RIMS1: variants seen among roughly 807,000 people sequenced by gnomAD.
RIMS1 encodes regulating synaptic membrane exocytosis protein 1.
A neutral mutation model predicts 214.1 loss-of-function variants in RIMS1; 83 were observed. That is an observed-to-expected ratio of 0.39 (90% CI 0.32 to 0.47). RIMS1 has a LOEUF of 0.47. Ranked by LOEUF, RIMS1 falls within the 20% of genes least tolerant of loss-of-function variation. RIMS1 has a pLI of 0.99. For missense variants in RIMS1, 2,050 were observed against 2,161.8 expected, an observed-to-expected ratio of 0.95 and a Z score of 1.03; for synonymous variants, 793 against 786.8, an observed-to-expected ratio of 1.01 and a Z score of -0.13.
At chr6:72,293,359 T>C (rs1467192340) in intron 26 of RIMS1, among the ~76,000 whole-genome samples, 1 of 151,950 alleles carries the variant, frequency 6.6e-6, no homozygotes, top group Admixed American at 6.6e-5. Flanking sequence ...TTAACATTTT[T>C]CCTCTCCTCT....
At chr6:72,070,086 A>G (rs1830240468) in intron 2 of RIMS1, among the ~76,000 whole-genome samples, 1 of 152,150 alleles carries the variant, frequency 6.6e-6, no homozygotes, top group Non-Finnish European at 1.5e-5. Flanking sequence ...TCTTATATTA[A>G]TGTATTTAAT....
chr6:72,196,261 AT>A (rs1554269160), intron 6 of RIMS1, among the ~76,000 whole-genome samples: 1 of 152,122 alleles, frequency 6.6e-6, no homozygotes, highest in Non-Finnish European at 1.5e-5. Context: ...TATTTAATAA[AT>A]ATCTAAAAAG....
intron 32 of RIMS1, 59 bp from the exon 33 acceptor site, chr6:72,398,895 AT>A (rs1403994868): frequency 9.2e-7 from 1 of 1,082,302 alleles, no homozygotes; most frequent in Admixed American, 2.2e-5. Flanking sequence ...GAATTCTCTA[AT>A]TAAAAAAATA....
At chr6:72,210,826 A>AT (rs1336610693) in intron 6 of RIMS1, among the ~76,000 whole-genome samples, 1 of 152,148 alleles carries the variant, frequency 6.6e-6, no homozygotes, top group African/African-American at 2.4e-5. Flanking sequence ...TGTTCTATGT[A>AT]TTTTTTCTTT....
chr6:72,366,122 T>C (rs187592046), intron 29 of RIMS1, among the ~76,000 whole-genome samples: 266 of 152,350 alleles, frequency 1.7e-3, no homozygotes, highest in African/African-American at 6.1e-3. Flanking sequence ...ACCTTTTTTT[T>C]CTAAGTTTTT....
chr6:71,989,737 C>T (rs866568103), intron 2 of RIMS1, among the ~76,000 whole-genome samples: 37 of 152,188 alleles, frequency 2.4e-4, no homozygotes, highest in Admixed American at 9.8e-4. Flanking sequence ...TGCTAGCAAC[C>T]AGGAATAGAA....
At chr6:72,096,686 T>G (rs1366540750) in intron 2 of RIMS1, among the ~76,000 whole-genome samples, 1 of 152,194 alleles carries the variant, frequency 6.6e-6, no homozygotes. Context: ...ATACTCAAAT[T>G]TCATTGCTGG....
At chr6:71,973,194 C>T (rs1429388923) in intron 2 of RIMS1, among the ~76,000 whole-genome samples, 2 of 152,234 alleles carry the variant, frequency 1.3e-5, no homozygotes, top group African/African-American at 4.8e-5. Context: ...AGGTGTGAGC[C>T]ACTGCGCCCG....
intron 2 of RIMS1, among the ~76,000 whole-genome samples, chr6:71,984,795 A>G (rs559915453): frequency 8.6e-5 from 13 of 151,896 alleles, no homozygotes; most frequent in African/African-American, 2.9e-4. Context: ...CTATCTATCT[A>G]TCTATCTATC....
intron 6 of RIMS1, among the ~76,000 whole-genome samples, chr6:72,231,408 A>T (rs1589797703): frequency 1.3e-5 from 2 of 151,864 alleles, no homozygotes; most frequent in East Asian, 3.9e-4. Flanking sequence ...ACTAAAATAT[A>T]TACAAATATT....
chr6:71,935,566 A>G (rs112505926), intron 1 of RIMS1, among the ~76,000 whole-genome samples: 2,901 of 152,304 alleles, frequency 0.019, 86 homozygotes, highest in African/African-American at 0.065. Flanking sequence ...AATTAAAGGA[A>G]CAAAATAGCT....
At chr6:71,925,821 T>G (rs981858955) in intron 1 of RIMS1, among the ~76,000 whole-genome samples, 1 of 152,258 alleles carries the variant, frequency 6.6e-6, no homozygotes, top group Non-Finnish European at 1.5e-5. Context: ...AGTGATTATG[T>G]CTTTGGACAA....
rs756789206 is a variant in RIMS1 at position 72,196,580 on chromosome 6, C to CTTTTTTTTTATTTTTTT, written c.1678+13440_1678+13441insATTTTTTTTTTTTTTTT. Reference sequence around the variant, plus strand: ...AGTACTGTGCTGGCAGCCAGCTGCACTTTTTTTTTTTTTTTTTTTTTTTAC... The same window carrying CTTTTTTTTTATTTTTTT: ...AGTACTGTGCTGGCAGCCAGCTGCACTTTTTTTTTATTTTTTTTTTTTTTTTTTTTTTTTTTTTTTAC... On this transcript the variant is annotated intron_variant, in intron 6 of 33. Coordinates refer to ENST00000521978, the MANE Select transcript of RIMS1 (RefSeq NM_014989.7). Among the ~76,000 whole-genome samples the CTTTTTTTTTATTTTTTT allele has an allele frequency of 3.5e-5, 2 of 57,214 alleles. 1 individual carries two copies. The highest frequency in any genetic ancestry group is 1.6e-4 in the African/African-American group (2 of 12,658). The allele number at this position is 57,214 out of a possible 152,430, so 37.5% of individuals were successfully genotyped here.
chr6:72,399,009 A>G lies in RIMS1; in HGVS notation c.4775A>G (p.Lys1592Arg). 6.2e-7 allele frequency: 1 copy of G among 1,610,796 alleles called. No individual in the cohort carries two copies. The highest frequency in any genetic ancestry group is 1.7e-5 in the Admixed American group (1 of 59,982). Reference sequence around the variant, plus strand: ...AATGGGGCCTGTATAGCCAAGAAGAAGACAAGAATTGCACGAAAAACCCTT... The same window carrying G: ...AATGGGGCCTGTATAGCCAAGAAGAGGACAAGAATTGCACGAAAAACCCTT... ...LENGACIAKKKTRIARKTLDP... is the reference protein window; with the variant it reads ...LENGACIAKKRTRIARKTLDP... The change falls in exon 33 of 34, where the codon AAG becomes AGG. Residue 1592 changes from lysine to arginine, a missense_variant. By Grantham distance (26) the Lys-to-Arg change is conservative (BLOSUM62 2). Around this residue, in one of 6 missense-constraint regions of RIMS1, gnomAD observed 121 missense variants for 187.3 expected, o/e 0.65. Transcript: ENST00000521978.
chr6:71,981,372 C>A (rs1798439077), intron 2 of RIMS1, among the ~76,000 whole-genome samples: 1 of 152,118 alleles, frequency 6.6e-6, no homozygotes, highest in African/African-American at 2.4e-5. Flanking sequence ...TCTGGTTATT[C>A]ATTTTAACTA....
intron 2 of RIMS1, among the ~76,000 whole-genome samples, chr6:71,973,765 C>A (rs760312336): frequency 3.3e-5 from 5 of 152,040 alleles, no homozygotes; most frequent in Non-Finnish European, 5.9e-5. Flanking sequence ...CGAGAAGGGG[C>A]CGGCATACCT....
intron 22 of RIMS1, among the ~76,000 whole-genome samples, chr6:72,271,637 C>G (rs1404823219): frequency 6.6e-6 from 1 of 152,012 alleles, no homozygotes; most frequent in Non-Finnish European, 1.5e-5. Flanking sequence ...TAAAGTTTAT[C>G]AATGCCTGGG....
chr6:72,154,006 C>T (rs1280730377), intron 4 of RIMS1, among the ~76,000 whole-genome samples: 1 of 151,952 alleles, frequency 6.6e-6, no homozygotes, highest in Non-Finnish European at 1.5e-5. Flanking sequence ...AATGAAGGAA[C>T]ATAATTATTA....
intron 2 of RIMS1, among the ~76,000 whole-genome samples, chr6:72,037,730 T>C (rs1820072006): frequency 6.6e-6 from 1 of 152,046 alleles, no homozygotes; most frequent in Non-Finnish European, 1.5e-5. Context: ...TTTAAGGCAG[T>C]GCTTTTGCTG....
Sources: gnomAD v4.1 joint callset for allele counts (sites outside exome capture counted in the v4.1 genomes callset) on GRCh38, gnomAD v4.1.1 for gene constraint, gnomAD v4.1.1 regional missense constraint, MANE v1.5 for transcripts, NCBI Gene and HGNC (gene_info 2026-07-23, HGNC 2026-07-21) for gene names.